Variants in CCSER1 observed in about 807,000 individuals in gnomAD.
The protein encoded by CCSER1 is coiled-coil serine rich protein 1, also known as serine-rich coiled-coil domain-containing protein 1.
A neutral mutation model predicts 82.0 loss-of-function variants in CCSER1; 41 were observed. The observed-to-expected ratio is 0.50, with a 90% CI of 0.39 to 0.65. The LOEUF (loss-of-function observed/expected upper bound fraction) is 0.65, where lower values mean the gene tolerates loss of function less well. Among genes scored for constraint, CCSER1 ranks in the 30% least tolerant of loss-of-function variants. CCSER1 has a pLI of 0.00. For synonymous variants in CCSER1, 414 were observed against 383.9 expected (o/e 1.08, Z -0.92); for missense variants, 1,119 against 1,064.2 (o/e 1.05, Z -0.72).
Position 90,711,721 on chromosome 4 carries a change from AT to A in CCSER1, c.1933-12180del, listed in dbSNP as rs112790209. 9.8e-3 allele frequency among the ~76,000 whole-genome samples: 1,381 copies of A among 141,632 alleles called. 10 individuals are homozygous for A. Among genetic ancestry groups the A allele is most frequent in the African/African-American group, 0.024 (919 of 39,022 alleles). 92.9% of individuals were successfully genotyped at this position (141,632 alleles called of 152,430 possible). ...GATAAACGTTTTGATGTCCTGCTGG[AT>A]TTTTTTTTTTTTGTCAGTATTTTAT... On this transcript the variant is annotated intron_variant, in intron 6 of 10. Coordinates refer to ENST00000509176, the MANE Select transcript of CCSER1 (RefSeq NM_001145065.2).
intron 10 of CCSER1, among the ~76,000 whole-genome samples, chr4:91,370,239 A>T (rs940607382): frequency 1.4e-4 from 22 of 152,170 alleles, no homozygotes; most frequent in African/African-American, 5.3e-4. Flanking sequence ...ATTAAATAAC[A>T]TTTGATAGAC....
At chr4:91,284,962 C>T (rs990175418) in intron 10 of CCSER1, among the ~76,000 whole-genome samples, 41 of 152,174 alleles carry the variant, frequency 2.7e-4, no homozygotes, top group African/African-American at 9.6e-4. Flanking sequence ...ACTTTACTAT[C>T]TCCTTTCTAA....
At chr4:90,898,269 CTTTTTTT>C (rs70963094) in intron 8 of CCSER1, among the ~76,000 whole-genome samples, 11 of 52,544 alleles carry the variant, frequency 2.1e-4, no homozygotes, top group South Asian at 6.1e-4. Flanking sequence ...TTTAATCCAT[CTTTTTTT>C]TTTTTTTTTT....
chr4:91,454,010 A>G (rs1384321918), intron 10 of CCSER1, among the ~76,000 whole-genome samples: 1 of 152,082 alleles, frequency 6.6e-6, no homozygotes, highest in Admixed American at 6.6e-5. Context: ...ACAGCATTCT[A>G]TATTAAGTGT....
chr4:91,469,080 A>T (rs369818110), intron 10 of CCSER1, among the ~76,000 whole-genome samples: 1 of 152,202 alleles, frequency 6.6e-6, no homozygotes, highest in Non-Finnish European at 1.5e-5. Context: ...ATAATATGAA[A>T]GATTCGATGC....
chr4:91,528,241 A>G (rs1314952043), intron 10 of CCSER1, among the ~76,000 whole-genome samples: 1 of 152,150 alleles, frequency 6.6e-6, no homozygotes, highest in Non-Finnish European at 1.5e-5. Context: ...TATATTTGCT[A>G]TATTTTCATA....
At chr4:91,282,927 A>G (rs1743026620) in intron 10 of CCSER1, among the ~76,000 whole-genome samples, 1 of 152,134 alleles carries the variant, frequency 6.6e-6, no homozygotes, top group Admixed American at 6.6e-5. Context: ...TAATAAAAGA[A>G]AATAAATGAG....
At chr4:90,566,804 G>C (rs1172262610) in intron 5 of CCSER1, among the ~76,000 whole-genome samples, 1 of 151,664 alleles carries the variant, frequency 6.6e-6, no homozygotes, top group Non-Finnish European at 1.5e-5. Flanking sequence ...GGGTTTCACC[G>C]TGTTAGCCAG....
At chr4:90,440,941 G>A (rs570346315) in intron 4 of CCSER1, among the ~76,000 whole-genome samples, 8 of 151,976 alleles carry the variant, frequency 5.3e-5, no homozygotes, top group Non-Finnish European at 8.8e-5. Flanking sequence ...ATTTAGCTTC[G>A]AGGATTTTCT....
chr4:91,233,659 A>G (rs1581815528), intron 10 of CCSER1, among the ~76,000 whole-genome samples: 1 of 151,964 alleles, frequency 6.6e-6, no homozygotes, highest in African/African-American at 2.4e-5. Context: ...TCAGCTTTTT[A>G]TTCAAGTAGT....
chr4:90,192,480 G>A (rs2153397723), intron 1 of CCSER1, among the ~76,000 whole-genome samples: 1 of 152,162 alleles, frequency 6.6e-6, no homozygotes, highest in East Asian at 1.9e-4. Flanking sequence ...TAGTGGTTGA[G>A]AATTTCAGCT....
chr4:90,788,605 A>T (rs979753836), intron 7 of CCSER1, among the ~76,000 whole-genome samples: 1 of 152,208 alleles, frequency 6.6e-6, no homozygotes, highest in Non-Finnish European at 1.5e-5. Flanking sequence ...TAGTCATTGT[A>T]AAAAGGCTCA....
intron 6 of CCSER1, among the ~76,000 whole-genome samples, chr4:90,653,133 A>T (rs951799150): frequency 1.5e-4 from 22 of 149,468 alleles, no homozygotes; most frequent in African/African-American, 5.2e-4. Context: ...GTTCCTATTT[A>T]AAAAAAAAAC....
intron 5 of CCSER1, among the ~76,000 whole-genome samples, chr4:90,603,064 A>G (rs995632671): frequency 2.0e-5 from 3 of 152,216 alleles, no homozygotes; most frequent in African/African-American, 7.2e-5. Flanking sequence ...GGTTGTGTAG[A>G]AATGTCAGAC....
chr4:90,810,149 A>G (rs1054216939), intron 7 of CCSER1, among the ~76,000 whole-genome samples: 1 of 152,010 alleles, frequency 6.6e-6, no homozygotes, highest in African/African-American at 2.4e-5. Flanking sequence ...TCAAATAGAG[A>G]TGGTGTTTCA....
At chr4:90,844,785 T>C (rs2149893505) in intron 8 of CCSER1, among the ~76,000 whole-genome samples, 1 of 152,274 alleles carries the variant, frequency 6.6e-6, no homozygotes, top group East Asian at 1.9e-4. Flanking sequence ...CCAGCCAATA[T>C]GTAAGTGACA....
intron 10 of CCSER1, among the ~76,000 whole-genome samples, chr4:91,449,484 G>A (rs1755755827): frequency 6.6e-6 from 1 of 151,828 alleles, no homozygotes. Context: ...TCTCTCTCCA[G>A]TAAAATAAAA....
At chr4:91,068,170 C>T (rs1045414714) in intron 9 of CCSER1, among the ~76,000 whole-genome samples, 3 of 152,162 alleles carry the variant, frequency 2.0e-5, no homozygotes, top group Non-Finnish European at 2.9e-5. Context: ...ATTCTCTTCT[C>T]AATGTTCATG....
At chr4:91,513,241 T>C (rs1759921278) in intron 10 of CCSER1, among the ~76,000 whole-genome samples, 1 of 152,182 alleles carries the variant, frequency 6.6e-6, no homozygotes, top group Non-Finnish European at 1.5e-5. Context: ...TTAATTTTAG[T>C]TTTTAATTCT....
Sources: gnomAD v4.1 joint callset for allele counts (sites outside exome capture counted in the v4.1 genomes callset) on GRCh38, gnomAD v4.1.1 for gene constraint, MANE v1.5 for transcripts, NCBI Gene and HGNC (gene_info 2026-07-23, HGNC 2026-07-21) for gene names.